The following TBC1D5 variants were observed in gnomAD, a reference collection of about 807,000 sequenced individuals.
The protein encoded by TBC1D5 is TBC1 domain family member 5.
In TBC1D5, 75 loss-of-function variants were observed where a neutral mutation model predicts 100.3. The observed-to-expected ratio is 0.75, with a 90% CI of 0.62 to 0.91. The LOEUF (loss-of-function observed/expected upper bound fraction) is 0.91, where lower values mean the gene tolerates loss of function less well. TBC1D5 is among the 40% of genes least tolerant of loss of function. TBC1D5 has a pLI of 0.00. For synonymous variants in TBC1D5, 323 were observed against 325.6 expected (o/e 0.99, Z 0.09); for missense variants, 910 against 942.4 (o/e 0.97, Z 0.45).
chr3:17,416,762 C>CA (rs2094084566), intron 4 of TBC1D5, among the ~76,000 whole-genome samples: 2 of 152,190 alleles, frequency 1.3e-5, no homozygotes, highest in Admixed American at 6.5e-5. Flanking sequence ...CCTCCACCCA[C>CA]ATTCCTTTTT....
intron 17 of TBC1D5, among the ~76,000 whole-genome samples, chr3:17,224,429 C>A (rs1214703780): frequency 6.6e-6 from 1 of 152,066 alleles, no homozygotes; most frequent in African/African-American, 2.4e-5. Context: ...CTATTATCAG[C>A]CTGACATGAA....
chr3:17,249,036 C>T (rs1438706591), intron 16 of TBC1D5, among the ~76,000 whole-genome samples: 1 of 152,182 alleles, frequency 6.6e-6, no homozygotes, highest in African/African-American at 2.4e-5. Context: ...TTCCTCACCC[C>T]TCTCTGCCTT....
chr3:17,642,940 C>T (rs760484193), intron 1 of TBC1D5, among the ~76,000 whole-genome samples: 1 of 152,020 alleles, frequency 6.6e-6, no homozygotes, highest in Non-Finnish European at 1.5e-5. Flanking sequence ...ATGAAAACAC[C>T]ATACATAGCT....
intron 1 of TBC1D5, among the ~76,000 whole-genome samples, chr3:17,718,661 A>G (rs1362330244): frequency 6.6e-6 from 1 of 152,190 alleles, no homozygotes; most frequent in Non-Finnish European, 1.5e-5. Flanking sequence ...AATGTTAAGT[A>G]TATTCACAAT....
chr3:17,370,457 T>C (rs1265399496), intron 13 of TBC1D5, among the ~76,000 whole-genome samples: 1 of 152,186 alleles, frequency 6.6e-6, no homozygotes, highest in Non-Finnish European at 1.5e-5. Context: ...ATGTCTATAA[T>C]CATAAATGTA....
intron 2 of TBC1D5, among the ~76,000 whole-genome samples, chr3:17,567,937 T>G (rs2096603349): frequency 6.6e-6 from 1 of 151,508 alleles, no homozygotes; most frequent in Non-Finnish European, 1.5e-5. Flanking sequence ...GGTATAAAAT[T>G]CTCAGGCTAC....
At chr3:17,242,547 C>G (rs1246145411) in intron 16 of TBC1D5, among the ~76,000 whole-genome samples, 2 of 151,528 alleles carry the variant, frequency 1.3e-5, no homozygotes, top group Non-Finnish European at 2.9e-5. Context: ...CTTATTCATC[C>G]TTTATTCTCC....
intron 2 of TBC1D5, among the ~76,000 whole-genome samples, chr3:17,528,975 T>A (rs1262520604): frequency 2.0e-5 from 3 of 152,184 alleles, no homozygotes; most frequent in Non-Finnish European, 4.4e-5. Context: ...TTCCCTAATT[T>A]AAGCTAGCAT....
intron 1 of TBC1D5, among the ~76,000 whole-genome samples, chr3:17,711,429 C>G (rs1324365165): frequency 6.6e-6 from 1 of 152,080 alleles, no homozygotes; most frequent in Admixed American, 6.6e-5. Context: ...TATCTTCAAG[C>G]TCCTGGTATA....
chr3:17,381,554 T>A (rs547817008), intron 9 of TBC1D5, among the ~76,000 whole-genome samples: 3 of 152,236 alleles, frequency 2.0e-5, no homozygotes, highest in Middle Eastern at 3.4e-3. Flanking sequence ...GCAGCAGAAC[T>A]ATTTACTCCC....
At chr3:17,370,791 T>C (rs1257303925) in intron 13 of TBC1D5, among the ~76,000 whole-genome samples, 1 of 152,146 alleles carries the variant, frequency 6.6e-6, no homozygotes, top group African/African-American at 2.4e-5. Context: ...GGTGACTTGT[T>C]TGAGATTCTC....
intron 13 of TBC1D5, among the ~76,000 whole-genome samples, chr3:17,330,874 T>G (rs1575373610): frequency 6.6e-6 from 1 of 152,176 alleles, no homozygotes; most frequent in East Asian, 1.9e-4. Flanking sequence ...AAAATCTGAA[T>G]CTACTGCTCA....
intron 1 of TBC1D5, among the ~76,000 whole-genome samples, chr3:17,732,545 A>T (rs1175687258): frequency 1.3e-5 from 2 of 151,388 alleles, no homozygotes; most frequent in African/African-American, 4.8e-5. Flanking sequence ...AGAGATGGCC[A>T]CCAGAAGAGA....
chr3:17,439,217 T>G (rs1179270665), intron 3 of TBC1D5, among the ~76,000 whole-genome samples: 2 of 152,178 alleles, frequency 1.3e-5, no homozygotes, highest in African/African-American at 4.8e-5. Context: ...TAACCCGAAG[T>G]ACATAACTTT....
At chr3:17,707,247 T>A (rs2074274557) in intron 1 of TBC1D5, among the ~76,000 whole-genome samples, 2 of 152,108 alleles carry the variant, frequency 1.3e-5, no homozygotes. Context: ...TTCTTTTTAT[T>A]GTTAATTTAT....
intron 2 of TBC1D5, among the ~76,000 whole-genome samples, chr3:17,562,615 A>T (rs2096566803): frequency 1.3e-5 from 2 of 152,192 alleles, no homozygotes; most frequent in Non-Finnish European, 2.9e-5. Context: ...TAAACACCAG[A>T]CAAACCAATA....
intron 14 of TBC1D5, among the ~76,000 whole-genome samples, chr3:17,302,673 C>A (rs1356753853): frequency 6.6e-6 from 1 of 152,086 alleles, no homozygotes; most frequent in African/African-American, 2.4e-5. Flanking sequence ...TGATCATAGA[C>A]CCTTTGATCC....
intron 1 of TBC1D5, among the ~76,000 whole-genome samples, chr3:17,664,644 A>G (rs1039592574): frequency 2.0e-5 from 3 of 152,200 alleles, no homozygotes; most frequent in African/African-American, 7.2e-5. Flanking sequence ...CTTTCTTCTC[A>G]TCCCAAAAAT....
rs77291021 is a variant in TBC1D5, at chr3:17,658,676, A to G, written c.-100-34763T>C. On this transcript the variant is annotated intron_variant, in intron 1 of 21. Coordinates refer to ENST00000253692, the Ensembl canonical transcript of TBC1D5. Reference sequence around the variant, plus strand: ...CTGAGACAGTTATAGCTTTTTTTTTAGACAGGGTTTCACTCTGTCACCCAG... The same window carrying G: ...CTGAGACAGTTATAGCTTTTTTTTTGGACAGGGTTTCACTCTGTCACCCAG... Among the ~76,000 whole-genome samples, 3 of 151,954 alleles carry G rather than the reference A, an allele frequency of 2.0e-5. No homozygotes were observed. The South Asian group carries it at 6.2e-4, about 32-fold the overall frequency.
Sources: allele counts gnomAD v4.1 joint callset (sites outside exome capture counted in the v4.1 genomes callset), GRCh38; gene constraint gnomAD v4.1.1; transcripts MANE v1.5; gene names NCBI Gene and HGNC (gene_info 2026-07-23, HGNC 2026-07-21).